The following CADM2 variants were observed in gnomAD, a reference collection of about 807,000 sequenced individuals.
CADM2 encodes the protein cell adhesion molecule 2, also known as immunoglobulin superfamily member 4D.
Under a neutral mutation model 49.8 loss-of-function variants are expected in CADM2, and 12 were observed. That is an observed-to-expected ratio of 0.24 (90% CI 0.15 to 0.39). The LOEUF is 0.39. CADM2 is among the 10% of genes least tolerant of loss of function. The pLI is 1.00. For missense variants in CADM2, 378 were observed against 492.3 expected, an observed-to-expected ratio of 0.77 and a Z score of 2.20; for synonymous variants, 214 against 175.4, an observed-to-expected ratio of 1.22 and a Z score of -1.74.
chr3:84,987,895 A>C (rs767993779), intron 1 of CADM2, among the ~76,000 whole-genome samples: 5 of 152,136 alleles, frequency 3.3e-5, no homozygotes, highest in Non-Finnish European at 5.9e-5. Context: ...GATAAGGATA[A>C]ATGAGCCCAG....
At chr3:85,904,989 T>C (rs531533999) in intron 5 of CADM2, among the ~76,000 whole-genome samples, 1 of 152,204 alleles carries the variant, frequency 6.6e-6, no homozygotes, top group East Asian at 1.9e-4. Context: ...TTATTCCCCC[T>C]TTTTTTGTAA....
At chr3:85,452,645 T>A (rs1262391341) in intron 1 of CADM2, among the ~76,000 whole-genome samples, 1 of 152,104 alleles carries the variant, frequency 6.6e-6, no homozygotes, top group African/African-American at 2.4e-5. Context: ...TTTTGCAAAT[T>A]CTCTTTCGTT....
At chr3:85,563,416 G>GGGGT (rs1389655392) in intron 1 of CADM2, among the ~76,000 whole-genome samples, 1 of 148,676 alleles carries the variant, frequency 6.7e-6, no homozygotes, top group East Asian at 2.0e-4. Context: ...GTGTGTGGGG[G>GGGGT]GGTGGTAATT....
chr3:85,605,939 T>C (rs184384904), intron 1 of CADM2, among the ~76,000 whole-genome samples: 15 of 152,212 alleles, frequency 9.9e-5, no homozygotes, highest in Non-Finnish European at 2.1e-4. Flanking sequence ...TGTGAATGCT[T>C]AATAGTTAAA....
At chr3:84,985,660 C>T (rs1207197095) in intron 1 of CADM2, among the ~76,000 whole-genome samples, 1 of 152,120 alleles carries the variant, frequency 6.6e-6, no homozygotes. Context: ...ATATACTTCA[C>T]TATTCCAGAT....
intron 1 of CADM2, among the ~76,000 whole-genome samples, chr3:85,304,434 C>G (rs934250351): frequency 6.6e-6 from 1 of 151,634 alleles, no homozygotes; most frequent in African/African-American, 2.4e-5. Flanking sequence ...AATTAAATGA[C>G]CTTTAAAACA....
At chr3:85,220,758 T>C (rs1193549989) in intron 1 of CADM2, among the ~76,000 whole-genome samples, 5 of 151,912 alleles carry the variant, frequency 3.3e-5, no homozygotes, top group African/African-American at 1.2e-4. Flanking sequence ...TTAGGAGAAA[T>C]GATCAGGGTT....
intron 8 of CADM2, among the ~76,000 whole-genome samples, chr3:85,965,029 T>C (rs1480182602): frequency 2.6e-5 from 4 of 151,500 alleles, no homozygotes; most frequent in Non-Finnish European, 5.9e-5. Context: ...ACTCACCCAA[T>C]AGATATATAG....
intron 1 of CADM2, among the ~76,000 whole-genome samples, chr3:85,325,888 A>G (rs2044738455): frequency 6.6e-6 from 1 of 152,186 alleles, no homozygotes; most frequent in African/African-American, 2.4e-5. Context: ...TATATAAAAG[A>G]AACAGGGACT....
intron 1 of CADM2, among the ~76,000 whole-genome samples, chr3:85,445,944 G>A (rs1034488187): frequency 3.9e-5 from 6 of 152,154 alleles, no homozygotes; most frequent in African/African-American, 1.2e-4. Flanking sequence ...TATGCATCCT[G>A]AAAACTTCAG....
chr3:85,782,695 T>C lies in CADM2; in HGVS notation c.89-19352T>C, dbSNP rs1306250654. On this transcript the variant is annotated intron_variant, in intron 2 of 9. Coordinates refer to ENST00000383699, the MANE Select transcript of CADM2 (RefSeq NM_001167675.2). ...AAAAAAAAAGAAAAAAGAAATATAC[T>C]CCATTTCTTTCGAATCTTTCTTTCT... Among the ~76,000 whole-genome samples, 6 of 151,558 alleles carry C rather than the reference T, an allele frequency of 4.0e-5. No homozygotes were observed. In the East Asian group the frequency reaches 1.2e-3, roughly 29 times the overall value.
At chr3:85,810,123 TA>T in intron 3 of CADM2, among the ~76,000 whole-genome samples, 1 of 152,104 alleles carries the variant, frequency 6.6e-6, no homozygotes, top group South Asian at 2.1e-4. Flanking sequence ...GTAAGAGAAA[TA>T]AAATTAACTA....
At chr3:85,753,177 T>G (rs1029110456) in intron 2 of CADM2, among the ~76,000 whole-genome samples, 5 of 152,128 alleles carry the variant, frequency 3.3e-5, no homozygotes, top group African/African-American at 1.2e-4. Flanking sequence ...ATGGTTCGTA[T>G]CTAATATCCA....
intron 1 of CADM2, among the ~76,000 whole-genome samples, chr3:85,607,370 G>A (rs567041590): frequency 1.4e-4 from 22 of 152,188 alleles, no homozygotes; most frequent in African/African-American, 5.1e-4. Flanking sequence ...GGGGAGAAAT[G>A]GGTAAACTAA....
intron 1 of CADM2, among the ~76,000 whole-genome samples, chr3:85,182,126 G>A (rs568017254): frequency 8.6e-5 from 13 of 151,872 alleles, no homozygotes; most frequent in South Asian, 8.3e-4. Flanking sequence ...ATAGAAACAC[G>A]ATATATGCAT....
chr3:85,978,678 C>T (rs897159358), intron 8 of CADM2, among the ~76,000 whole-genome samples: 1 of 151,600 alleles, frequency 6.6e-6, no homozygotes, highest in Non-Finnish European at 1.5e-5. Flanking sequence ...CATTTCCTAT[C>T]ATTAAGTCTT....
rs376252303 is a variant in CADM2, at chr3:85,739,209, A to G, written c.88+12661A>G. ...TCACTTATACTGATTTCCATACCCAAATAAATCTTGACAGAATAGAGTCAT... is the reference window on the plus strand; with the variant it reads ...TCACTTATACTGATTTCCATACCCAGATAAATCTTGACAGAATAGAGTCAT... On this transcript the variant is annotated intron_variant, in intron 2 of 9. Transcript: ENST00000383699. Among the ~76,000 whole-genome samples the G allele has an allele frequency of 4.1e-4, 63 of 152,168 alleles. 1 individual carries two copies. Among genetic ancestry groups the G allele is most frequent in the East Asian group, 4.1e-3 (21 of 5,184 alleles).
chr3:85,761,121 C>T (rs912156310), intron 2 of CADM2, among the ~76,000 whole-genome samples: 1 of 152,104 alleles, frequency 6.6e-6, no homozygotes, highest in African/African-American at 2.4e-5. Flanking sequence ...CTGAACACCA[C>T]TATCTACCAA....
chr3:85,998,295 T>C (rs1418117943), intron 8 of CADM2, among the ~76,000 whole-genome samples: 1 of 152,206 alleles, frequency 6.6e-6, no homozygotes, highest in Non-Finnish European at 1.5e-5. Flanking sequence ...CTGTAGTTAA[T>C]TTTCTAAATG....
Sources: gnomAD v4.1 joint callset for allele counts (sites outside exome capture counted in the v4.1 genomes callset) on GRCh38, gnomAD v4.1.1 for gene constraint, MANE v1.5 for transcripts, NCBI Gene and HGNC (gene_info 2026-07-23, HGNC 2026-07-21) for gene names.